The following AKAP19 variants were observed in gnomAD, a reference collection of about 807,000 sequenced individuals.
The protein encoded by AKAP19 is small A-kinase anchoring protein.
At chr2:190,084,313 G>C in the AKAP19 span, among the ~76,000 whole-genome samples, 1 of 151,918 alleles carries the variant, frequency 6.6e-6, no homozygotes, top group East Asian at 1.9e-4. Context: ...GGCTGGTTTC[G>C]AATTCCTCAC....
chr2:190,128,208 A>G, the AKAP19 span, among the ~76,000 whole-genome samples: 71 of 152,318 alleles, frequency 4.7e-4, no homozygotes, highest in Non-Finnish European at 8.7e-4. Flanking sequence ...TTGGGGTTTT[A>G]GAGAACATTA....
At chr2:189,975,934 T>A in the AKAP19 span, among the ~76,000 whole-genome samples, 1 of 152,198 alleles carries the variant, frequency 6.6e-6, no homozygotes, top group East Asian at 1.9e-4. Flanking sequence ...TCAGACTTCC[T>A]CCTTTAGCTC....
the AKAP19 span, among the ~76,000 whole-genome samples, chr2:189,999,235 G>A: frequency 1.3e-5 from 2 of 151,736 alleles, no homozygotes; most frequent in Admixed American, 1.3e-4. Flanking sequence ...AAATTTACCT[G>A]TAAGCACTGC....
At chr2:189,928,884 G>T in the AKAP19 span, among the ~76,000 whole-genome samples, 2 of 152,088 alleles carry the variant, frequency 1.3e-5, no homozygotes, top group Non-Finnish European at 1.5e-5. Flanking sequence ...CCTAATGAAT[G>T]ATTTTTCTTT....
the AKAP19 span, among the ~76,000 whole-genome samples, chr2:190,163,525 C>T: frequency 1.3e-5 from 2 of 151,500 alleles, no homozygotes; most frequent in Admixed American, 6.6e-5. Flanking sequence ...ATTCATAGTA[C>T]TTCCTAAAAT....
the AKAP19 span, among the ~76,000 whole-genome samples, chr2:190,097,859 CAAAA>C: frequency 1.9e-4 from 12 of 64,492 alleles, no homozygotes; most frequent in East Asian, 4.8e-3. Context: ...TGGTTTCTAC[CAAAA>C]AAAAAAAAAA....
At chr2:190,062,371 C>T in the AKAP19 span, 1 of 1,613,370 alleles carries the variant, frequency 6.2e-7, no homozygotes, top group Non-Finnish European at 8.5e-7. Flanking sequence ...TGTCTTATAA[C>T]ATCTTTGCTG....
the AKAP19 span, among the ~76,000 whole-genome samples, chr2:189,994,640 C>A: frequency 1.3e-5 from 2 of 151,362 alleles, no homozygotes; most frequent in African/African-American, 4.9e-5. Context: ...ATTCTGTCAC[C>A]CAAGCTGGAG....
the AKAP19 span, among the ~76,000 whole-genome samples, chr2:190,087,692 G>T: frequency 6.6e-6 from 1 of 152,154 alleles, no homozygotes; most frequent in Admixed American, 6.5e-5. Flanking sequence ...TTCCAGTTAG[G>T]TTTTGAATCA....
chr2:190,162,021 G>A, the AKAP19 span, among the ~76,000 whole-genome samples: 1 of 152,102 alleles, frequency 6.6e-6, no homozygotes, highest in Non-Finnish European at 1.5e-5. Flanking sequence ...CAAAGTAATT[G>A]TGACCTAGGA....
chr2:190,103,227 C>T, the AKAP19 span, among the ~76,000 whole-genome samples: 12 of 152,234 alleles, frequency 7.9e-5, no homozygotes, highest in African/African-American at 1.7e-4. Context: ...AATGCACAGC[C>T]GACATCATGC....
the AKAP19 span, among the ~76,000 whole-genome samples, chr2:190,044,552 T>G: frequency 1.8e-4 from 28 of 152,172 alleles, no homozygotes; most frequent in Non-Finnish European, 3.8e-4. Flanking sequence ...TTAGTTGCCC[T>G]GAGAGGCTCT....
the AKAP19 span, among the ~76,000 whole-genome samples, chr2:190,173,961 C>T: frequency 2.6e-5 from 4 of 152,084 alleles, no homozygotes; most frequent in African/African-American, 4.8e-5. Flanking sequence ...CTGTCACCTG[C>T]TCTGTCCTTA....
the AKAP19 span, among the ~76,000 whole-genome samples, chr2:190,074,213 C>T: frequency 6.6e-6 from 1 of 151,970 alleles, no homozygotes; most frequent in Non-Finnish European, 1.5e-5. Flanking sequence ...ATTCAAACAT[C>T]AATACATTTT....
the AKAP19 span, among the ~76,000 whole-genome samples, chr2:189,968,636 C>A: frequency 6.6e-6 from 1 of 151,980 alleles, no homozygotes; most frequent in Non-Finnish European, 1.5e-5. Flanking sequence ...ATAAGCACAT[C>A]TAAAATAAAA....
At chr2:189,929,316 A>T in the AKAP19 span, among the ~76,000 whole-genome samples, 1 of 152,172 alleles carries the variant, frequency 6.6e-6, no homozygotes, top group Non-Finnish European at 1.5e-5. Context: ...GGTCACAGGA[A>T]ACAGAATAAA....
the AKAP19 span, chr2:190,095,751 T>C: frequency 2.0e-5 from 3 of 152,224 alleles, no homozygotes; most frequent in Non-Finnish European, 2.9e-5. Flanking sequence ...ATTTCTATAT[T>C]GTCTTATAGT....
the AKAP19 span, among the ~76,000 whole-genome samples, chr2:190,093,675 G>C: frequency 6.6e-6 from 1 of 151,884 alleles, no homozygotes; most frequent in Non-Finnish European, 1.5e-5. Context: ...ATTTCATTTT[G>C]GATTATTTTT....
At chr2:189,893,507 C>G in the AKAP19 span, among the ~76,000 whole-genome samples, 8 of 152,316 alleles carry the variant, frequency 5.3e-5, no homozygotes, top group Admixed American at 1.3e-4. Context: ...CCGGGTGAGG[C>G]GATGCCCTAC....
Sources: allele counts gnomAD v4.1 joint callset (sites outside exome capture counted in the v4.1 genomes callset), GRCh38; gene constraint gnomAD v4.1.1; transcripts MANE v1.5; gene names NCBI Gene and HGNC (gene_info 2026-07-23, HGNC 2026-07-21).